HDAC5: variants seen among roughly 807,000 people sequenced by gnomAD.
HDAC5 encodes histone deacetylase 5, also known as antigen NY-CO-9.
In HDAC5, 25 loss-of-function variants were observed where a neutral mutation model predicts 133.3. The observed-to-expected ratio is 0.19, with a 90% CI of 0.14 to 0.26. HDAC5 has a LOEUF of 0.26. Among genes scored for constraint, HDAC5 ranks in the 10% least tolerant of loss-of-function variants. The pLI, the probability that HDAC5 is intolerant of heterozygous loss-of-function variation, is 1.00. For missense variants in HDAC5, 1,041 were observed against 1,460.5 expected, an observed-to-expected ratio of 0.71 and a Z score of 4.68; for synonymous variants, 589 against 610.8, an observed-to-expected ratio of 0.96 and a Z score of 0.53.
Position 44,093,558 on chromosome 17 carries a change from G to C in HDAC5, c.354+17C>G, listed in dbSNP as rs565962453. 1 of 1,598,710 alleles carries C rather than the reference G, an allele frequency of 6.3e-7. No individual in the cohort carries two copies. The highest frequency in any genetic ancestry group is 8.5e-7 in the Non-Finnish European group (1 of 1,171,020). ...GGATCGGAGGTCTGGGCGGCCCCCC[G>C]CACCCCCCTCGCTCACCTTGAGGTG... On this transcript the variant is annotated intron_variant, in intron 4 of 26. Coordinates refer to ENST00000682912, the MANE Select transcript of HDAC5 (RefSeq NM_005474.5).
chr17:44,088,083 A>G (rs1438496950), intron 12 of HDAC5, among the ~76,000 whole-genome samples: 1 of 152,140 alleles, frequency 6.6e-6, no homozygotes, highest in African/African-American at 2.4e-5. Context: ...ATCTGGGCTC[A>G]GTGCAACCTC....
Position 44,086,626 on chromosome 17 carries a change from G to C in HDAC5, c.1996C>G (p.Pro666Ala). ...TCTGGGGGGCTCTTCATGCCCCCAG[G>C]GGCAGCAGGGGAGGACTGGGTACGG... ...LGRTQSSPAA[P>A]GGMKSPPDQP... Residue 666 changes from proline to alanine, a missense_variant, in exon 14 of 27, where the codon CCT becomes GCT. Around this residue, in one of 9 missense-constraint regions of HDAC5, gnomAD observed 433 missense variants for 531.6 expected, o/e 0.81. Transcript: ENST00000682912. The C allele has an allele frequency of 1.5e-6, 2 of 1,302,936 alleles. No individual in the cohort carries two copies. The highest frequency in any genetic ancestry group is 9.8e-7 in the Non-Finnish European group (1 of 1,017,964). 80.7% of individuals were successfully genotyped at this position (1,302,936 alleles called of 1,614,324 possible).
intron 3 of HDAC5, among the ~76,000 whole-genome samples, chr17:44,096,757 T>A (rs1313774476): frequency 4.0e-5 from 6 of 151,630 alleles, no homozygotes; most frequent in Non-Finnish European, 1.5e-5. Context: ...ATTACAGGCA[T>A]GAGCCACTGC....
At position 44,082,947 on chromosome 17, in the gene HDAC5, T is replaced by C. The variant is rs528094749; in HGVS notation, c.2464-127A>G. ...AAACCAGAAAAGCAGATCCATATGT[T>C]TAATGCACAATTTTGTTGGGGTTTC... On this transcript the variant is annotated intron_variant, in intron 18 of 26. Transcript: ENST00000682912. The C allele has an allele frequency of 5.8e-4, 444 of 769,126 alleles. 3 individuals are homozygous for C. The Middle Eastern group carries it at 0.014, about 24-fold the overall frequency. 47.6% of individuals were successfully genotyped at this position (769,126 alleles called of 1,614,324 possible).
At chr17:44,087,359 G>T in intron 13 of HDAC5, 53 bp downstream of exon 13, 2 of 721,634 alleles carry the variant, frequency 2.8e-6, no homozygotes, top group South Asian at 3.1e-5. Flanking sequence ...AGGCAGGGGT[G>T]GAGAAGGACA....
In HDAC5 at chr17:44,091,364, T is replaced by G. The variant is rs367981331; in HGVS notation, c.1293A>C (p.Ala431=). The change falls in exon 11 of 27, where the codon GCA becomes GCC. Residue 431 remains alanine, a synonymous_variant. Coordinates refer to ENST00000682912, the MANE Select transcript of HDAC5 (RefSeq NM_005474.5). ...CGTGGGGGCTCCCGTCGCCCTCCAG[T>G]GCCACGCCCAGCAGGCAGCCAGGAA... is the stretch of plus-strand genomic sequence containing the variant. ...SSIPGCLLGV[A]LEGDGSPHGH... 397 of 1,598,916 alleles carry G rather than the reference T, an allele frequency of 2.5e-4. No individual in the cohort carries two copies. The highest frequency in any genetic ancestry group is 3.2e-4 in the Non-Finnish European group (372 of 1,172,896).
chr17:44,118,555 G>A (rs150553165), intron 1 of HDAC5, among the ~76,000 whole-genome samples: 205 of 152,262 alleles, frequency 1.3e-3, no homozygotes, highest in African/African-American at 4.1e-3. Flanking sequence ...TAAAGGAGGA[G>A]GTATTACAGG....
intron 23 of HDAC5, among the ~76,000 whole-genome samples, chr17:44,079,786 T>A (rs1302003969): frequency 6.6e-6 from 1 of 151,482 alleles, no homozygotes; most frequent in East Asian, 1.9e-4. Context: ...CCTATCACAG[T>A]CAAAACATTA....
At position 44,085,056 on chromosome 17, in the gene HDAC5, C is replaced by T; in HGVS notation, c.2150G>A (p.Arg717Gln). Residue 717 changes from arginine to glutamine, a missense_variant, in exon 15 of 27, where the codon CGG (arginine) becomes CAG (glutamine). Transcript: ENST00000682912. ...HAGRIQSIWS[R>Q]LQETGLLSKC... ...GCTAAGCAGGCCTGTCTCCTGCAGC[C>T]GGGACCAGATGCTCTGGATCCGGCC... The T allele has an allele frequency of 6.3e-7, 1 of 1,596,496 alleles. No individual in the cohort carries two copies. Among genetic ancestry groups the T allele is most frequent in the Non-Finnish European group, 8.6e-7 (1 of 1,165,314 alleles).
In HDAC5 at chr17:44,109,582, G is replaced by A. The variant is rs77850808; in HGVS notation, c.94+1147C>T. 3.6e-3 allele frequency among the ~76,000 whole-genome samples: 542 copies of A among 152,300 alleles called. 11 individuals carry two copies. Among genetic ancestry groups the A allele is most frequent in the Admixed American group, 0.028 (427 of 15,306 alleles). ...AAAACTGCATGGGCATCCCTGCCTGGGCAGATGATAAGCCATGTTCCAAAG... is the reference window on the plus strand; with the variant it reads ...AAAACTGCATGGGCATCCCTGCCTGAGCAGATGATAAGCCATGTTCCAAAG... On this transcript the variant is annotated intron_variant, in intron 3 of 26. Coordinates refer to ENST00000682912, the MANE Select transcript of HDAC5 (RefSeq NM_005474.5).
Position 44,117,656 on chromosome 17 carries a change from C to T in HDAC5, c.-141G>A, listed in dbSNP as rs1354099513. On this transcript the variant is annotated 5_prime_UTR_variant, in exon 2 of 27. Transcript: ENST00000682912. This position sits in a 1 kb window ranked among gnomAD's most constrained non-coding sequence, Gnocchi z 4.2. ...GGGCCGCCGTGCCTCTAATGCCCAT[C>T]CGAGGCCATCCTTCGGGGCGAGGCA... is the stretch of plus-strand genomic sequence containing the variant. The T allele has an allele frequency of 2.3e-6, 2 of 880,802 alleles. No individual in the cohort carries two copies. The highest frequency in any genetic ancestry group is 3.7e-6 in the Non-Finnish European group (2 of 540,990). 54.6% of individuals were successfully genotyped at this position (880,802 alleles called of 1,614,324 possible).
chr17:44,108,503 C>CCCCAA (rs1410687853), intron 3 of HDAC5, among the ~76,000 whole-genome samples: 2 of 152,078 alleles, frequency 1.3e-5, no homozygotes, highest in Non-Finnish European at 2.9e-5. Context: ...AAGACCCTTG[C>CCCCAA]CCCAACCCCT....
rs1443192676 is a variant in HDAC5, at chr17:44,096,109, AG to A, written c.95-2276del. On this transcript the variant is annotated intron_variant, in intron 3 of 26. Transcript: ENST00000682912. ...ACAACTGGGCAAACACCACACCAGC[AG>A]GGAGCCCCAAGCCCAGCCCAAGCCC... Among the ~76,000 whole-genome samples, 4 of 152,290 alleles carry A rather than the reference AG, an allele frequency of 2.6e-5. No individual in the cohort carries two copies. The East Asian group carries it at 7.7e-4, about 29-fold the overall frequency.
In HDAC5 at chr17:44,078,887, G is replaced by A; in HGVS notation, c.3079-8C>T. The A allele has an allele frequency of 1.2e-6, 2 of 1,614,086 alleles. No homozygotes were observed. Among genetic ancestry groups the A allele is most frequent in the South Asian group, 1.1e-5 (1 of 91,084 alleles). On this transcript the variant is annotated splice_region_variant and splice_polypyrimidine_tract_variant and intron_variant, in intron 24 of 26. Coordinates refer to ENST00000682912, the MANE Select transcript of HDAC5 (RefSeq NM_005474.5). ...CTCATCCAAGGGCTGCAGCTGGCAG[G>A]GGAAAGAAGAGAAGGCTTAGGGTGG...
intron 3 of HDAC5, among the ~76,000 whole-genome samples, chr17:44,109,614 TG>T (rs2052213233): frequency 6.6e-6 from 1 of 152,252 alleles, no homozygotes. Flanking sequence ...AAAGATTTTT[TG>T]AATCTTCCCA....
chr17:44,086,834 C>T, intron 13 of HDAC5, 97 bp from the exon 14 acceptor site: 1 of 912,710 alleles, frequency 1.1e-6, no homozygotes, highest in Non-Finnish European at 1.5e-6. Flanking sequence ...CCAATCCAGC[C>T]CTTTTCTTCC....
intron 25 of HDAC5, 59 bp from the exon 26 acceptor site, chr17:44,078,724 C>T (rs2050235305): frequency 3.1e-6 from 5 of 1,610,188 alleles, no homozygotes; most frequent in Non-Finnish European, 4.2e-6. Context: ...CATGAACAGT[C>T]CCAGTCCTGG....
intron 14 of HDAC5, 73 bp from the exon 15 acceptor site, chr17:44,085,228 A>G: frequency 1.4e-6 from 2 of 1,422,610 alleles, no homozygotes; most frequent in Non-Finnish European, 1.9e-6. Context: ...CATGATCCTC[A>G]GCAGGGCTCA....
chr17:44,092,568 G>A (rs910873420), intron 7 of HDAC5, 41 bp from the exon 8 acceptor site: 19 of 1,589,684 alleles, frequency 1.2e-5, no homozygotes, highest in Non-Finnish European at 1.5e-5. Flanking sequence ...GCGCACAGCA[G>A]CACACATCTG....
Sources: allele counts gnomAD v4.1 joint callset (sites outside exome capture counted in the v4.1 genomes callset), GRCh38; gene constraint gnomAD v4.1.1; regional missense constraint gnomAD v4.1.1; non-coding constraint Gnocchi (gnomAD v3.1); transcripts MANE v1.5; gene names NCBI Gene and HGNC (gene_info 2026-07-23, HGNC 2026-07-21).